Variants in CCDC102B observed in about 807,000 individuals in gnomAD.
The protein encoded by CCDC102B is coiled-coil domain-containing protein 102B.
CCDC102B carries 75 observed loss-of-function variants against 57.4 expected under a neutral mutation model. The observed-to-expected ratio is 1.31, with a 90% confidence interval of 1.08 to 1.58. CCDC102B has a LOEUF of 1.58. Ranked by LOEUF, CCDC102B falls within the 40% of genes most tolerant of loss-of-function variation. The pLI, the probability that CCDC102B is intolerant of heterozygous loss-of-function variation, is 0.00. For synonymous variants in CCDC102B, 206 were observed against 201.9 expected, an observed-to-expected ratio of 1.02 and a Z score of -0.17; for missense variants, 636 against 582.6, an observed-to-expected ratio of 1.09 and a Z score of -0.94.
At chr18:68,989,865 C>T (rs1446694860) in intron 6 of CCDC102B, among the ~76,000 whole-genome samples, 2 of 152,180 alleles carry the variant, frequency 1.3e-5, no homozygotes, top group South Asian at 2.1e-4. Context: ...CTAACCGCTC[C>T]GCTATCAGCT....
chr18:68,723,383 C>T (rs1410097443), intron 2 of CCDC102B, among the ~76,000 whole-genome samples: 3 of 152,102 alleles, frequency 2.0e-5, no homozygotes, highest in Non-Finnish European at 4.4e-5. Flanking sequence ...CAGCCCCCTA[C>T]GTCAGCTCAT....
intron 4 of CCDC102B, among the ~76,000 whole-genome samples, chr18:68,848,543 T>C (rs2037977145): frequency 6.6e-6 from 1 of 152,018 alleles, no homozygotes; most frequent in Non-Finnish European, 1.5e-5. Context: ...TACTGACACA[T>C]ATAGAGAAGA....
At chr18:69,020,019 C>T (rs1157771987) in intron 7 of CCDC102B, among the ~76,000 whole-genome samples, 3 of 150,794 alleles carry the variant, frequency 2.0e-5, no homozygotes, top group Non-Finnish European at 4.4e-5. Context: ...TGAATTAATT[C>T]GTGTGTTGAA....
chr18:69,040,389 T>C (rs1297290940), intron 7 of CCDC102B, among the ~76,000 whole-genome samples: 1 of 5,392 alleles, frequency 1.9e-4, no homozygotes, highest in Non-Finnish European at 1.0e-3. Flanking sequence ...TGCAGGGGTG[T>C]GTGTGTGTGT....
rs1475665315 is a variant in CCDC102B, at chr18:69,048,242, G to C, written c.1435-5788G>C. Among the ~76,000 whole-genome samples the C allele has an allele frequency of 2.6e-5, 4 of 151,238 alleles. No homozygotes were observed. In the East Asian group the frequency reaches 7.8e-4, roughly 29 times the overall value. On this transcript the variant is annotated intron_variant, in intron 7 of 7. Transcript: ENST00000360242. ...TGTGTGTTTTTTTTTTCCCAAGTAG[G>C]TATACAGGTGAGAAGATGAAAATGT...
intron 2 of CCDC102B, among the ~76,000 whole-genome samples, chr18:68,748,717 A>G (rs868585829): frequency 7.2e-5 from 11 of 152,198 alleles, no homozygotes; most frequent in Middle Eastern, 3.4e-3. Context: ...TCCCTTTTTC[A>G]ACCTAGCTAA....
At chr18:68,724,049 C>T (rs1260855709) in intron 2 of CCDC102B, among the ~76,000 whole-genome samples, 1 of 152,220 alleles carries the variant, frequency 6.6e-6, no homozygotes, top group African/African-American at 2.4e-5. Flanking sequence ...CTTCTGTGCA[C>T]CCACAGGCTT....
intron 6 of CCDC102B, among the ~76,000 whole-genome samples, chr18:68,964,560 T>C (rs1020204101): frequency 1.3e-5 from 2 of 151,936 alleles, no homozygotes; most frequent in Non-Finnish European, 2.9e-5. Context: ...GTTAAATTAA[T>C]ATAGCTAACT....
intron 6 of CCDC102B, among the ~76,000 whole-genome samples, chr18:68,907,835 A>G (rs1989295): frequency 0.26 from 39,640 of 152,134 alleles, 6,239 homozygotes; most frequent in Non-Finnish European, 0.36. Flanking sequence ...AAACAGCAGT[A>G]ATGGAAGGAG....
chr18:68,768,156 C>T (rs1316490194), intron 2 of CCDC102B, among the ~76,000 whole-genome samples: 1 of 152,032 alleles, frequency 6.6e-6, no homozygotes, highest in Non-Finnish European at 1.5e-5. Flanking sequence ...CAGAGAAGAA[C>T]TTTAAAGAAT....
intron 2 of CCDC102B, among the ~76,000 whole-genome samples, chr18:68,838,227 T>G (rs1161227759): frequency 6.6e-6 from 1 of 152,202 alleles, no homozygotes; most frequent in Non-Finnish European, 1.5e-5. Context: ...ACTCATGAAT[T>G]AAAGCAATAA....
intron 5 of CCDC102B, among the ~76,000 whole-genome samples, chr18:68,881,996 T>G (rs2039709338): frequency 6.6e-6 from 1 of 152,206 alleles, no homozygotes. Context: ...ATAATACATC[T>G]TTTAATACAA....
At chr18:69,018,339 G>T (rs1599855697) in intron 7 of CCDC102B, among the ~76,000 whole-genome samples, 1 of 152,118 alleles carries the variant, frequency 6.6e-6, no homozygotes, top group South Asian at 2.1e-4. Context: ...TAAATTTTTT[G>T]GGGAACCCTC....
At chr18:68,830,615 G>GTATATA (rs1405886572) in intron 1 of CCDC102B, among the ~76,000 whole-genome samples, 2 of 151,060 alleles carry the variant, frequency 1.3e-5, no homozygotes, top group African/African-American at 4.9e-5. Context: ...ACATGTATAT[G>GTATATA]TATATATAAT....
intron 2 of CCDC102B, among the ~76,000 whole-genome samples, chr18:68,751,343 C>A (rs559057745): frequency 6.6e-6 from 1 of 152,228 alleles, no homozygotes; most frequent in South Asian, 2.1e-4. Context: ...TCATGGCCAG[C>A]AGCACCATAA....
At chr18:68,782,269 A>G (rs1445929192) in intron 2 of CCDC102B, among the ~76,000 whole-genome samples, 1 of 152,086 alleles carries the variant, frequency 6.6e-6, no homozygotes, top group Non-Finnish European at 1.5e-5. Flanking sequence ...TTTAGAGTTC[A>G]TGAGGAAAAT....
intron 4 of CCDC102B, among the ~76,000 whole-genome samples, chr18:68,862,075 A>G (rs972143383): frequency 1.3e-5 from 2 of 152,212 alleles, no homozygotes; most frequent in Non-Finnish European, 2.9e-5. Flanking sequence ...ATAAAGTACC[A>G]CACATCATCT....
In CCDC102B at chr18:68,775,192, A is replaced by G. The variant is rs74393781; in HGVS notation, c.-66-48174A>G. On this transcript the variant is annotated intron_variant, in intron 2 of 3. Transcript: ENST00000578970. ...GATATTTGTGCTATTTCTAACATAG[A>G]CTTTTAAAATAATTTTTGCAATGAA... 6.9e-3 allele frequency among the ~76,000 whole-genome samples: 1,044 copies of G among 151,868 alleles called. 8 individuals carry two copies. The highest frequency in any genetic ancestry group is 0.022 in the Middle Eastern group (5 of 228).
At chr18:69,033,938 C>T (rs2052216364) in intron 7 of CCDC102B, among the ~76,000 whole-genome samples, 1 of 151,782 alleles carries the variant, frequency 6.6e-6, no homozygotes, top group Non-Finnish European at 1.5e-5. Flanking sequence ...TTGAAATTTC[C>T]AAATGCTTAA....
Sources: allele counts gnomAD v4.1 joint callset (sites outside exome capture counted in the v4.1 genomes callset), GRCh38; gene constraint gnomAD v4.1.1; transcripts MANE v1.5; gene names NCBI Gene and HGNC (gene_info 2026-07-23, HGNC 2026-07-21).